BRINP3: variants seen among roughly 807,000 people sequenced by gnomAD.
BRINP3 encodes BMP/retinoic acid inducible neural specific 3.
BRINP3 carries 19 observed loss-of-function variants against 71.0 expected under a neutral mutation model. The ratio of observed to expected loss-of-function variants is 0.27; its 90% confidence interval spans 0.19 to 0.39. The LOEUF (loss-of-function observed/expected upper bound fraction) is 0.39, where lower values mean the gene tolerates loss of function less well. Among genes scored for constraint, BRINP3 ranks in the 10% least tolerant of loss-of-function variants. BRINP3 has a pLI of 1.00. For missense variants in BRINP3, 959 were observed against 940.8 expected (o/e 1.02, Z -0.25); for synonymous variants, 380 against 337.7 (o/e 1.13, Z -1.37).
At chr1:190,271,680 A>ATATTGC (rs1269543018) in intron 3 of BRINP3, among the ~76,000 whole-genome samples, 1 of 151,570 alleles carries the variant, frequency 6.6e-6, no homozygotes, top group African/African-American at 2.4e-5. Context: ...TTTAAATATC[A>ATATTGC]TATTGCTATC....
chr1:190,435,265 A>G (rs1674380948), intron 2 of BRINP3, among the ~76,000 whole-genome samples: 1 of 152,116 alleles, frequency 6.6e-6, no homozygotes, highest in Admixed American at 6.6e-5. Flanking sequence ...TACCAGCCAG[A>G]ATGTGTGGAA....
At chr1:190,401,959 C>CTA (rs1671956998) in intron 2 of BRINP3, among the ~76,000 whole-genome samples, 1 of 151,746 alleles carries the variant, frequency 6.6e-6, no homozygotes, top group African/African-American at 2.4e-5. Flanking sequence ...ATATGAACAA[C>CTA]TATATATATA....
At chr1:190,412,942 C>A (rs1011194973) in intron 2 of BRINP3, among the ~76,000 whole-genome samples, 1 of 151,932 alleles carries the variant, frequency 6.6e-6, no homozygotes, top group Non-Finnish European at 1.5e-5. Context: ...GGAAGGAAGG[C>A]AGGCAAGCAT....
intron 4 of BRINP3, among the ~76,000 whole-genome samples, chr1:190,263,984 C>A (rs1661425716): frequency 6.6e-6 from 1 of 152,112 alleles, no homozygotes; most frequent in South Asian, 2.1e-4. Flanking sequence ...TTTGTATTGA[C>A]TATGAAAGGT....
In BRINP3 at chr1:190,454,771, G is replaced by A. The variant is rs1443930166; in HGVS notation, c.120C>T (p.Ala40=). 4 of 1,614,028 alleles carry A rather than the reference G, an allele frequency of 2.5e-6. No homozygotes were observed. Among genetic ancestry groups the A allele is most frequent in the Admixed American group, 1.7e-5 (1 of 59,998 alleles). ...AGAGGAGCCAGTCGAAGGGGCTTGT[G>A]GCATGCTGATCCGAAACAGCAGCAA... The part of the protein sequence containing the change: ...LAVAAVSDQH[A]TSPFDWLLSD... Residue 40 remains alanine (A), a synonymous_variant, in exon 2 of 8, where the codon GCC becomes GCT. Coordinates refer to ENST00000367462, the MANE Select transcript of BRINP3 (RefSeq NM_199051.3).
At chr1:190,207,003 T>TG (rs1211983467) in intron 6 of BRINP3, among the ~76,000 whole-genome samples, 1 of 150,886 alleles carries the variant, frequency 6.6e-6, no homozygotes, top group Admixed American at 6.6e-5. Context: ...TTTGTTTTTT[T>TG]TTTTCAGAAA....
intron 6 of BRINP3, among the ~76,000 whole-genome samples, chr1:190,203,975 T>C (rs1196468378): frequency 6.6e-6 from 1 of 151,076 alleles, no homozygotes; most frequent in Non-Finnish European, 1.5e-5. Context: ...GTTACAAATA[T>C]TGGCCTTGAG....
chr1:190,393,703 T>C (rs1278225964), intron 2 of BRINP3, among the ~76,000 whole-genome samples: 1 of 151,600 alleles, frequency 6.6e-6, no homozygotes, highest in Non-Finnish European at 1.5e-5. Context: ...TTCTTACATA[T>C]AGCTCTCATC....
chr1:190,189,179 T>C (rs1653811991), intron 6 of BRINP3, among the ~76,000 whole-genome samples: 1 of 152,160 alleles, frequency 6.6e-6, no homozygotes, highest in South Asian at 2.1e-4. Context: ...GGAATTATTC[T>C]CTATTCTTTA....
intron 2 of BRINP3, among the ~76,000 whole-genome samples, chr1:190,350,775 T>C (rs1036752897): frequency 2.0e-5 from 3 of 151,160 alleles, no homozygotes; most frequent in Non-Finnish European, 2.9e-5. Flanking sequence ...TGTTCCCCAC[T>C]ATAGTTTAAA....
At chr1:190,417,710 A>C (rs1483115911) in intron 2 of BRINP3, among the ~76,000 whole-genome samples, 1 of 152,160 alleles carries the variant, frequency 6.6e-6, no homozygotes, top group Non-Finnish European at 1.5e-5. Context: ...ATAGACTTTT[A>C]AAAAACTTGT....
At chr1:190,168,209 GTA>G (rs10599869) in intron 6 of BRINP3, among the ~76,000 whole-genome samples, 69,715 of 144,468 alleles carry the variant, frequency 0.48, 16,309 homozygotes, top group African/African-American at 0.58. Flanking sequence ...TATTTAATTT[GTA>G]TATATATATA....
intron 6 of BRINP3, among the ~76,000 whole-genome samples, chr1:190,188,200 T>C (rs1303220400): frequency 6.6e-6 from 1 of 152,166 alleles, no homozygotes; most frequent in Non-Finnish European, 1.5e-5. Flanking sequence ...ATGCTACTGA[T>C]TTCTGAAGGT....
At chr1:190,459,749 T>A (rs1676257838) in intron 1 of BRINP3, among the ~76,000 whole-genome samples, 1 of 152,068 alleles carries the variant, frequency 6.6e-6, no homozygotes, top group Non-Finnish European at 1.5e-5. Context: ...AACTAAAACC[T>A]GCTGAAGAAC....
chr1:190,170,134 T>A (rs900389562), intron 6 of BRINP3, among the ~76,000 whole-genome samples: 2 of 152,166 alleles, frequency 1.3e-5, no homozygotes, highest in African/African-American at 2.4e-5. Context: ...AGACTTTTCA[T>A]AAATATTATC....
In BRINP3 at chr1:190,354,156, GC is replaced by G. The variant is rs1462561967; in HGVS notation, c.237-72407del. 1.1e-4 allele frequency among the ~76,000 whole-genome samples: 17 copies of G among 151,944 alleles called. 1 individual carries two copies. The South Asian group carries it at 3.5e-3, about 32-fold the overall frequency. On this transcript the variant is annotated intron_variant, in intron 2 of 7. Transcript: ENST00000367462. ...AATTTGACTAAGCTATACTTTCATG[GC>G]AGGCTTCCTAAGTTACTATTATCAA...
intron 3 of BRINP3, among the ~76,000 whole-genome samples, chr1:190,267,591 T>C (rs911877538): frequency 6.6e-6 from 1 of 152,054 alleles, no homozygotes; most frequent in Non-Finnish European, 1.5e-5. Context: ...CAGGTGTTCG[T>C]TGTTTTTTAA....
chr1:190,464,238 A>G (rs1427710851), intron 1 of BRINP3, among the ~76,000 whole-genome samples: 1 of 151,862 alleles, frequency 6.6e-6, no homozygotes, highest in South Asian at 2.1e-4. Flanking sequence ...TTATCTAATG[A>G]GGGGCTACAA....
rs143439470 is a variant in BRINP3 at position 190,316,097 on chromosome 1, C to T, written c.237-34347G>A. ...GACAGAGCTGTCAGCAACGTGGGGC[C>T]CAGAATGACTGAGAGGTCAGTCCTA... On this transcript the variant is annotated intron_variant, in intron 2 of 7. Coordinates refer to ENST00000367462, the MANE Select transcript of BRINP3 (RefSeq NM_199051.3). Among the ~76,000 whole-genome samples the T allele has an allele frequency of 6.5e-3, 976 of 150,728 alleles. 4 individuals are homozygous for T. The highest frequency in any genetic ancestry group is 0.021 in the African/African-American group (867 of 40,912).
Sources: allele counts gnomAD v4.1 joint callset (sites outside exome capture counted in the v4.1 genomes callset), GRCh38; gene constraint gnomAD v4.1.1; transcripts MANE v1.5; gene names NCBI Gene and HGNC (gene_info 2026-07-23, HGNC 2026-07-21).